The following GFRA1 variants were observed in gnomAD, a reference collection of about 807,000 sequenced individuals.
The protein encoded by GFRA1 is GDNF family receptor alpha 1, also known as GDNF family receptor alpha-1.
A neutral mutation model predicts 51.6 loss-of-function variants in GFRA1; 16 were observed. That is an observed-to-expected ratio of 0.31 (90% CI 0.21 to 0.47). The LOEUF (loss-of-function observed/expected upper bound fraction) is 0.47, where lower values mean the gene tolerates loss of function less well. Ranked by LOEUF, GFRA1 falls within the 20% of genes least tolerant of loss-of-function variation. The pLI, the probability that GFRA1 is intolerant of heterozygous loss-of-function variation, is 1.00. For synonymous variants in GFRA1, 270 were observed against 241.3 expected (o/e 1.12, Z -1.10); for missense variants, 530 against 594.3 (o/e 0.89, Z 1.13).
chr10:116,175,908 A>G (rs1589846208), intron 5 of GFRA1, among the ~76,000 whole-genome samples: 1 of 152,068 alleles, frequency 6.6e-6, no homozygotes, highest in East Asian at 1.9e-4. Context: ...CCCACATGTG[A>G]GGTGGAGTTC....
chr10:116,101,076 C>T (rs867893947), intron 6 of GFRA1, among the ~76,000 whole-genome samples: 38 of 152,342 alleles, frequency 2.5e-4, no homozygotes, highest in African/African-American at 8.7e-4. Context: ...GCTGCTGCTT[C>T]TGTCCAGTCA....
chr10:116,060,134 ATCTTTTT>A lies in GFRA1; in HGVS notation c.*4257_*4263del, dbSNP rs1305409759. ...CAGATTTAAAGCCTCTGCAGTGAGA[ATCTTTTT>A]CAGAGGTCCAGCCCCCACAAAGAAT... On this transcript the variant is annotated 3_prime_UTR_variant, in exon 11 of 11. Transcript: ENST00000355422. The A allele has an allele frequency of 6.6e-6, 1 of 152,166 alleles. No homozygotes were observed. Among genetic ancestry groups the A allele is most frequent in the Non-Finnish European group, 1.5e-5 (1 of 68,028 alleles). The allele number at this position is 152,166 out of a possible 1,614,324, so 9.4% of individuals were successfully genotyped here. A position where few individuals can be genotyped will look rare whatever the true frequency, so the allele number is the denominator to read the frequency against.
Position 116,272,289 on chromosome 10 carries a change from C to A in GFRA1, c.-246-14G>T. The A allele has an allele frequency of 1.7e-6, 1 of 574,096 alleles. No individual in the cohort carries two copies. Among genetic ancestry groups the A allele is most frequent in the Non-Finnish European group, 3.1e-6 (1 of 320,520 alleles). 35.6% of individuals were successfully genotyped at this position (574,096 alleles called of 1,614,324 possible). A position where few individuals can be genotyped will look rare whatever the true frequency, so the allele number is the denominator to read the frequency against. The stretch of plus-strand genomic sequence containing the variant: ...GTCCGACCCAACCTGGAAGGGAGGG[C>A]GCGCTTTGAGATGAGAGCGGAGAGC... On this transcript the variant is annotated splice_polypyrimidine_tract_variant and intron_variant, in intron 1 of 10. Transcript: ENST00000355422. The surrounding 1 kb of genome is among the most constrained non-coding windows in gnomAD (Gnocchi z 4.4).
chr10:116,109,462 T>A (rs915829240), intron 6 of GFRA1, among the ~76,000 whole-genome samples: 8 of 152,228 alleles, frequency 5.3e-5, no homozygotes, highest in East Asian at 1.9e-4. Flanking sequence ...ATAAAAAAAA[T>A]AATATCTGTT....
At chr10:116,100,766 G>A (rs1164266498) in intron 6 of GFRA1, among the ~76,000 whole-genome samples, 2 of 152,196 alleles carry the variant, frequency 1.3e-5, no homozygotes. Flanking sequence ...TTTGCCAGGA[G>A]GGGAAGGGGT....
At chr10:116,117,234 T>C (rs1957446688) in intron 6 of GFRA1, among the ~76,000 whole-genome samples, 1 of 152,158 alleles carries the variant, frequency 6.6e-6, no homozygotes, top group South Asian at 2.1e-4. Context: ...GTTGTTGTTT[T>C]GTTTTCTTTT....
At chr10:116,269,738 G>A in intron 3 of GFRA1, 152 bp from the exon 4 acceptor site, 1 of 671,696 alleles carries the variant, frequency 1.5e-6, no homozygotes, top group Non-Finnish European at 2.7e-6. Flanking sequence ...TTTCACTATG[G>A]TTATTTCTTT....
chr10:116,186,543 A>T (rs2134299283), intron 5 of GFRA1, among the ~76,000 whole-genome samples: 1 of 143,284 alleles, frequency 7.0e-6, no homozygotes, highest in South Asian at 2.3e-4. Context: ...GTCTCTCTTT[A>T]TCTGCATAAG....
intron 5 of GFRA1, among the ~76,000 whole-genome samples, chr10:116,174,135 T>C (rs999224415): frequency 1.5e-5 from 1 of 66,450 alleles, no homozygotes; most frequent in African/African-American, 5.4e-5. Flanking sequence ...TTCAACAAAT[T>C]AGGCCTTCTC....
At chr10:116,237,001 C>A (rs1966918093) in intron 4 of GFRA1, among the ~76,000 whole-genome samples, 1 of 152,176 alleles carries the variant, frequency 6.6e-6, no homozygotes, top group African/African-American at 2.4e-5. Context: ...ACTTGCAAAA[C>A]TGTGCTATCA....
At chr10:116,255,622 G>T in intron 4 of GFRA1, 2 of 1,280,330 alleles carry the variant, frequency 1.6e-6, no homozygotes, top group Non-Finnish European at 2.0e-6. Flanking sequence ...TTCCACTGAT[G>T]TGTTAGCTCA....
At chr10:116,078,012 T>C (rs1955690501) in intron 9 of GFRA1, among the ~76,000 whole-genome samples, 1 of 152,250 alleles carries the variant, frequency 6.6e-6, no homozygotes, top group African/African-American at 2.4e-5. Flanking sequence ...AGTTACGGAA[T>C]AGCTGCCACT....
At chr10:116,200,659 A>G (rs1214510924) in intron 5 of GFRA1, among the ~76,000 whole-genome samples, 11 of 152,194 alleles carry the variant, frequency 7.2e-5, no homozygotes, top group Non-Finnish European at 1.5e-4. Flanking sequence ...TGGCTTGCAG[A>G]TGGAGGCTTT....
upstream of GFRA1, among the ~76,000 whole-genome samples, chr10:116,274,000 C>T (rs567843230): frequency 6.6e-6 from 1 of 152,332 alleles, no homozygotes; most frequent in African/African-American, 2.4e-5. Context: ...AGCCCCCAGC[C>T]CACTGCATTT....
intron 4 of GFRA1, among the ~76,000 whole-genome samples, chr10:116,230,245 C>G (rs2134558367): frequency 6.6e-6 from 1 of 152,338 alleles, no homozygotes; most frequent in East Asian, 1.9e-4. Context: ...AGTGGCTCCT[C>G]TATTCCAAGC....
chr10:116,233,023 T>C (rs1966778442), intron 4 of GFRA1, among the ~76,000 whole-genome samples: 1 of 152,154 alleles, frequency 6.6e-6, no homozygotes, highest in South Asian at 2.1e-4. Flanking sequence ...ACTTCTTTCT[T>C]GTTATTTAAA....
rs1371483099 is a variant in GFRA1, at chr10:116,117,593, ATGGATGGG to A, written c.770+7620_770+7627del. Among the ~76,000 whole-genome samples the A allele has an allele frequency of 2.7e-3, 322 of 119,442 alleles. 5 individuals carry two copies. The highest frequency in any genetic ancestry group is 8.3e-3 in the African/African-American group (301 of 36,086). 78.4% of individuals were successfully genotyped at this position (119,442 alleles called of 152,430 possible). On this transcript the variant is annotated intron_variant, in intron 6 of 10. Transcript: ENST00000355422. ...GATGGATGGATGGATGGATGGATGG[ATGGATGGG>A]TGGATGGGTGGATGGATAGATAAAT...
At chr10:116,088,193 A>C (rs1430226534) in intron 9 of GFRA1, among the ~76,000 whole-genome samples, 1 of 152,098 alleles carries the variant, frequency 6.6e-6, no homozygotes, top group East Asian at 1.9e-4. Context: ...AAATCAAAAC[A>C]AGTTTCTGAA....
At chr10:116,230,399 T>C (rs1020462217) in intron 4 of GFRA1, among the ~76,000 whole-genome samples, 3 of 152,200 alleles carry the variant, frequency 2.0e-5, no homozygotes, top group Non-Finnish European at 2.9e-5. Context: ...GATTCCAAAT[T>C]AGTCTCTCTC....
Sources: allele counts gnomAD v4.1 joint callset (sites outside exome capture counted in the v4.1 genomes callset), GRCh38; gene constraint gnomAD v4.1.1; non-coding constraint Gnocchi (gnomAD v3.1); transcripts MANE v1.5; gene names NCBI Gene and HGNC (gene_info 2026-07-23, HGNC 2026-07-21).